Variants in SLC22A5 observed in about 807,000 individuals in gnomAD.
The protein encoded by SLC22A5 is organic cation/carnitine transporter 2.
SLC22A5 carries 44 observed loss-of-function variants against 56.7 expected under a neutral mutation model. The ratio of observed to expected loss-of-function variants is 0.78; its 90% CI spans 0.61 to 1.00. SLC22A5 has a LOEUF of 1.00. SLC22A5 is among the 50% of genes least tolerant of loss of function. The probability of loss-of-function intolerance (pLI) is 0.00; values close to 1 mark genes in which losing one functional copy is unlikely to be tolerated. For missense variants in SLC22A5, 675 were observed against 723.0 expected (o/e 0.93, Z 0.76); for synonymous variants, 278 against 292.1 (o/e 0.95, Z 0.49).
chr5:132,378,301 T>C, intron 1 of SLC22A5, 77 bp from the exon 2 acceptor site: 1 of 1,613,100 alleles, frequency 6.2e-7, no homozygotes, highest in South Asian at 1.1e-5. Context: ...ATGTTCTGAC[T>C]TCATTTTCCA....
chr5:132,371,180 T>G (rs1244191426), intron 1 of SLC22A5, among the ~76,000 whole-genome samples: 1 of 152,170 alleles, frequency 6.6e-6, no homozygotes, highest in Non-Finnish European at 1.5e-5. Context: ...TTGGCCAGGA[T>G]GGTCTCGATC....
intron 4 of SLC22A5, 96 bp downstream of exon 4, chr5:132,385,595 T>C (rs1752501758): frequency 1.0e-6 from 1 of 992,868 alleles, no homozygotes; most frequent in Non-Finnish European, 1.6e-6. Flanking sequence ...CCCTATTTTG[T>C]CTCCCAGAGA....
Position 132,369,791 on chromosome 5 carries a change from T to G in SLC22A5, c.-182T>G. 2.7e-5 allele frequency: 20 copies of G among 740,690 alleles called. No homozygotes were observed. Among genetic ancestry groups the G allele is most frequent in the Non-Finnish European group, 3.7e-5 (18 of 481,544 alleles). 45.9% of individuals were successfully genotyped at this position (740,690 alleles called of 1,614,324 possible). On this transcript the variant is annotated 5_prime_UTR_variant, in exon 1 of 10. An upstream start codon of the reference 5' UTR is lost. Coordinates refer to ENST00000245407, the MANE Select transcript of SLC22A5 (RefSeq NM_003060.4). Reference sequence around the variant, plus strand: ...CAACCTTCCCTGGTCGTGCGCCCTATGTAAGGCCAGCCGCGGCAGGACCAA... The same window carrying G: ...CAACCTTCCCTGGTCGTGCGCCCTAGGTAAGGCCAGCCGCGGCAGGACCAA...
At chr5:132,384,115 C>G in intron 2 of SLC22A5, 32 bp from the exon 3 acceptor site, 1 of 1,613,306 alleles carries the variant, frequency 6.2e-7, no homozygotes. Flanking sequence ...CCTTTTCCAG[C>G]TGGTTATCTG....
rs1209556007 is a variant in SLC22A5 at position 132,389,316 on chromosome 5, C to T, written c.1052+295C>T. On this transcript the variant is annotated intron_variant, in intron 6 of 9. Transcript: ENST00000245407. ...CTTGCCCAATTTGGGTCATTTAGTT[C>T]CCGTCTCCTACCCAGTTACCGACAG... is the stretch of plus-strand genomic sequence containing the variant. 4 of 388,874 alleles carry T rather than the reference C, an allele frequency of 1.0e-5. No homozygotes were observed. In the East Asian group the frequency reaches 2.5e-4, roughly 24 times the overall value. The allele number at this position is 388,874 out of a possible 1,614,324, so 24.1% of individuals were successfully genotyped here. A position where few individuals can be genotyped will look rare whatever the true frequency, so the allele number is the denominator to read the frequency against.
intron 1 of SLC22A5, among the ~76,000 whole-genome samples, chr5:132,375,121 G>T (rs1179160555): frequency 1.3e-5 from 2 of 152,194 alleles, no homozygotes; most frequent in African/African-American, 4.8e-5. Flanking sequence ...ACTTTGGGCA[G>T]CCAAGCAAGA....
intron 1 of SLC22A5, among the ~76,000 whole-genome samples, chr5:132,371,673 A>G (rs75817769): frequency 0.077 from 11,679 of 152,202 alleles, 587 homozygotes; most frequent in South Asian, 0.15. Context: ...GGCTTCCCAG[A>G]AGAGGAGGCC....
At chr5:132,386,203 C>CT (rs1353877079) in intron 4 of SLC22A5, among the ~76,000 whole-genome samples, 1 of 150,508 alleles carries the variant, frequency 6.6e-6, no homozygotes, top group Non-Finnish European at 1.5e-5. Context: ...AATTTTTTTC[C>CT]TTTTTTTCTT....
intron 1 of SLC22A5, 28 bp from the exon 2 acceptor site, chr5:132,378,350 T>G (rs1455437925): frequency 6.2e-7 from 1 of 1,612,188 alleles, no homozygotes; most frequent in Non-Finnish European, 8.5e-7. Flanking sequence ...AAGAAGTGAA[T>G]GATACACCCC....
chr5:132,385,554 C>T, intron 4 of SLC22A5, 55 bp downstream of exon 4: 1 of 1,491,094 alleles, frequency 6.7e-7, no homozygotes, highest in Non-Finnish European at 9.4e-7. Flanking sequence ...TCTGTCTGGC[C>T]TTCACTAGAG....
chr5:132,383,954 T>C, intron 2 of SLC22A5, 193 bp from the exon 3 acceptor site: 1 of 637,458 alleles, frequency 1.6e-6, no homozygotes. Flanking sequence ...AGGCTGTACA[T>C]TTGTCATGGG....
chr5:132,386,797 G>T (rs1194017535), intron 4 of SLC22A5, among the ~76,000 whole-genome samples: 1 of 152,208 alleles, frequency 6.6e-6, no homozygotes, highest in Non-Finnish European at 1.5e-5. Context: ...GATGCCGTCA[G>T]GGGGTGCAGG....
At chr5:132,379,984 C>T (rs1472638475) in intron 2 of SLC22A5, 1 of 152,250 alleles carries the variant, frequency 6.6e-6, no homozygotes, top group Admixed American at 6.5e-5. Flanking sequence ...CTAAAACTTG[C>T]TTTCTAGCAA....
intron 2 of SLC22A5, chr5:132,380,445 T>C (rs902066614): frequency 6.6e-6 from 1 of 151,832 alleles, no homozygotes; most frequent in Admixed American, 6.6e-5. Context: ...CCTTTTTTTT[T>C]TTTAAAGATG....
At chr5:132,379,413 C>G (rs1483053940) in intron 2 of SLC22A5, 2 of 152,230 alleles carry the variant, frequency 1.3e-5, no homozygotes, top group African/African-American at 2.4e-5. Context: ...TCAAGCAATC[C>G]TCCCTCCATA....
intron 1 of SLC22A5, chr5:132,377,516 C>T (rs1271725241): frequency 2.0e-5 from 3 of 152,326 alleles, no homozygotes; most frequent in Non-Finnish European, 4.4e-5. Context: ...CTGCTTTTGG[C>T]TCTTGTTTAG....
At chr5:132,385,545 C>A (rs1192275726) in intron 4 of SLC22A5, 46 bp downstream of exon 4, 10 of 1,554,556 alleles carry the variant, frequency 6.4e-6, no homozygotes, top group Non-Finnish European at 8.0e-6. Flanking sequence ...AGGATGATTT[C>A]TGTCTGGCCT....
chr5:132,375,509 G>A (rs1265601273), intron 1 of SLC22A5, among the ~76,000 whole-genome samples: 1 of 152,140 alleles, frequency 6.6e-6, no homozygotes, highest in Admixed American at 6.5e-5. Flanking sequence ...CCAATTCACA[G>A]GTAAGAACAT....
intron 4 of SLC22A5, among the ~76,000 whole-genome samples, chr5:132,386,057 C>G (rs7731390): frequency 0.027 from 4,099 of 152,278 alleles, 90 homozygotes; most frequent in Non-Finnish European, 0.043. Flanking sequence ...GAGCAGAGAG[C>G]ATTTCAGGGC....
Sources: gnomAD v4.1 joint callset for allele counts (sites outside exome capture counted in the v4.1 genomes callset) on GRCh38, gnomAD v4.1.1 for gene constraint, MANE v1.5 for transcripts, NCBI Gene and HGNC (gene_info 2026-07-23, HGNC 2026-07-21) for gene names.